SUGCT: variants seen among roughly 807,000 people sequenced by gnomAD.
SUGCT encodes the protein succinyl-CoA:glutarate-CoA transferase.
A neutral mutation model predicts 55.0 loss-of-function variants in SUGCT; 41 were observed. The ratio of observed to expected loss-of-function variants is 0.74; its 90% CI spans 0.58 to 0.97. The LOEUF (loss-of-function observed/expected upper bound fraction) is 0.97, where lower values mean the gene tolerates loss of function less well. Among genes scored for constraint, SUGCT ranks in the 50% least tolerant of loss-of-function variants. The pLI, the probability that SUGCT is intolerant of heterozygous loss-of-function variation, is 0.00. For missense variants in SUGCT, 568 were observed against 547.8 expected (o/e 1.04, Z -0.37); for synonymous variants, 187 against 200.4 (o/e 0.93, Z 0.56).
At chr7:40,274,723 C>A (rs1455495898) in intron 8 of SUGCT, 67 bp downstream of exon 8, 7 of 1,449,036 alleles carry the variant, frequency 4.8e-6, no homozygotes, top group South Asian at 1.2e-5. Context: ...CTTTTCAGAT[C>A]AAATTCTATG....
At position 40,371,609 on chromosome 7, in the gene SUGCT, A is replaced by T. The variant is rs536440652; in HGVS notation, c.816+54754A>T. ...ATTTGGGAGCTTTCAAAAATATTAT[A>T]CATTGTTTAAAAATATTACAAAGAA... is the stretch of plus-strand genomic sequence containing the variant. On this transcript the variant is annotated intron_variant, in intron 9 of 13. Transcript: ENST00000335693. 5.3e-5 allele frequency among the ~76,000 whole-genome samples: 8 copies of T among 152,160 alleles called. No individual in the cohort carries two copies. The South Asian group carries it at 1.7e-3, about 32-fold the overall frequency.
In SUGCT at chr7:40,267,101, G is replaced by T. The variant is rs182745361; in HGVS notation, c.577-7412G>T. 5.9e-5 allele frequency among the ~76,000 whole-genome samples: 9 copies of T among 151,350 alleles called. No individual in the cohort carries two copies. The East Asian group carries it at 1.7e-3, about 29-fold the overall frequency. On this transcript the variant is annotated intron_variant, in intron 7 of 13. Transcript: ENST00000335693. Reference sequence around the variant, plus strand: ...GAATGGTGAAAATAGAGAAATACATGAATACATATGGGAAGTGAATAATCA... The same window carrying T: ...GAATGGTGAAAATAGAGAAATACATTAATACATATGGGAAGTGAATAATCA...
Position 40,257,799 on chromosome 7 carries a change from G to A in SUGCT, c.577-16714G>A, listed in dbSNP as rs372517015. ...TGAGGTGGGAGAATCACTTGAACCC[G>A]GGAGGTGGAGGTTGTAGTGAGCCGA... is the stretch of plus-strand genomic sequence containing the variant. On this transcript the variant is annotated intron_variant, in intron 7 of 13. Transcript: ENST00000335693. Among the ~76,000 whole-genome samples, 70 of 152,182 alleles carry A rather than the reference G, an allele frequency of 4.6e-4. 2 individuals are homozygous for A. In the South Asian group the frequency reaches 0.012, roughly 27 times the overall value.
chr7:41,007,823 C>CAAAAAA, the SUGCT span, among the ~76,000 whole-genome samples: 8 of 104,274 alleles, frequency 7.7e-5, no homozygotes, highest in Admixed American at 1.1e-4. Flanking sequence ...AACTGAAATC[C>CAAAAAA]AAAAAAAAAA....
chr7:40,211,114 A>G (rs965181686), intron 6 of SUGCT, among the ~76,000 whole-genome samples: 11 of 151,478 alleles, frequency 7.3e-5, no homozygotes, highest in Non-Finnish European at 1.5e-4. Context: ...AGCTGGTATT[A>G]CAGGCACCTG....
chr7:40,475,177 T>TA (rs1790595470), intron 11 of SUGCT, among the ~76,000 whole-genome samples: 1 of 152,204 alleles, frequency 6.6e-6, no homozygotes, highest in African/African-American at 2.4e-5. Flanking sequence ...CTGTTTAAAA[T>TA]AAAATCATCC....
intron 12 of SUGCT, among the ~76,000 whole-genome samples, chr7:40,612,599 T>G (rs1324325407): frequency 6.6e-6 from 1 of 152,190 alleles, no homozygotes; most frequent in Non-Finnish European, 1.5e-5. Context: ...CCCTCCTTCC[T>G]TGATAGCTGT....
At chr7:40,773,828 G>C (rs1007514829) in intron 13 of SUGCT, among the ~76,000 whole-genome samples, 1 of 152,170 alleles carries the variant, frequency 6.6e-6, no homozygotes, top group African/African-American at 2.4e-5. Context: ...CAGTCATAAA[G>C]ATTCACATGC....
intron 12 of SUGCT, among the ~76,000 whole-genome samples, chr7:40,579,655 T>C (rs73689826): frequency 0.021 from 3,212 of 152,256 alleles, 109 homozygotes; most frequent in African/African-American, 0.07. Context: ...GTGTCTAGAT[T>C]CCAGAGGGCT....
intron 13 of SUGCT, among the ~76,000 whole-genome samples, chr7:40,813,823 T>C (rs750130363): frequency 2.0e-5 from 3 of 152,216 alleles, no homozygotes; most frequent in Non-Finnish European, 4.4e-5. Flanking sequence ...CTGTGGGCTA[T>C]GTCCTTAAGT....
intron 12 of SUGCT, among the ~76,000 whole-genome samples, chr7:40,725,240 T>C (rs1786552536): frequency 6.6e-6 from 1 of 152,214 alleles, no homozygotes; most frequent in Admixed American, 6.5e-5. Flanking sequence ...CCTAAGCCAA[T>C]TCTCTAGAGG....
intron 13 of SUGCT, among the ~76,000 whole-genome samples, chr7:40,751,383 C>G (rs935627056): frequency 7.9e-5 from 12 of 152,058 alleles, no homozygotes; most frequent in Middle Eastern, 3.4e-3. Context: ...TTAAAGCCGG[C>G]GGTCAGGTTA....
chr7:40,177,080 T>G (rs1032505633), intron 1 of SUGCT, among the ~76,000 whole-genome samples: 2 of 152,188 alleles, frequency 1.3e-5, no homozygotes, highest in African/African-American at 4.8e-5. Context: ...TTTAGGTTGT[T>G]ATTATATTGT....
At chr7:40,680,951 A>G (rs976626496) in intron 12 of SUGCT, among the ~76,000 whole-genome samples, 3 of 152,186 alleles carry the variant, frequency 2.0e-5, no homozygotes, top group Non-Finnish European at 4.4e-5. Context: ...TGTAAGTGCG[A>G]GCATGTTTCC....
chr7:40,820,885 A>G (rs1791954753), intron 13 of SUGCT, among the ~76,000 whole-genome samples: 1 of 152,194 alleles, frequency 6.6e-6, no homozygotes, highest in South Asian at 2.1e-4. Flanking sequence ...ATTCAGTATG[A>G]CATTGGCTCT....
chr7:40,687,926 C>T (rs1271516510), intron 12 of SUGCT, among the ~76,000 whole-genome samples: 4 of 152,028 alleles, frequency 2.6e-5, no homozygotes, highest in African/African-American at 9.7e-5. Flanking sequence ...TATTTTTGTC[C>T]ATTTCTTTTG....
chr7:40,854,464 CTT>C (rs770168409), intron 13 of SUGCT, among the ~76,000 whole-genome samples: 87 of 137,696 alleles, frequency 6.3e-4, no homozygotes, highest in African/African-American at 2.3e-3. Context: ...TTCTTTCTTT[CTT>C]TCTTTCTTTC....
At chr7:40,259,950 TGAAGTATCCTTCATCTG>T (rs1791110272) in intron 7 of SUGCT, among the ~76,000 whole-genome samples, 1 of 152,242 alleles carries the variant, frequency 6.6e-6, no homozygotes, top group African/African-American at 2.4e-5. Context: ...GTTCTGAGCT[TGAAGTATCCTTCATCTG>T]GAGATAGTAA....
chr7:40,267,303 G>T (rs946090972), intron 7 of SUGCT, among the ~76,000 whole-genome samples: 2 of 152,052 alleles, frequency 1.3e-5, no homozygotes, highest in Non-Finnish European at 2.9e-5. Context: ...TTCATTAAAA[G>T]AGCTAAATAC....
Sources: gnomAD v4.1 joint callset for allele counts (sites outside exome capture counted in the v4.1 genomes callset) on GRCh38, gnomAD v4.1.1 for gene constraint, MANE v1.5 for transcripts, NCBI Gene and HGNC (gene_info 2026-07-23, HGNC 2026-07-21) for gene names.